The following BMPR2 variants were observed in gnomAD, a reference collection of about 807,000 sequenced individuals.
BMPR2 encodes bone morphogenetic protein receptor type 2, also known as bone morphogenetic protein receptor type-2.
In BMPR2, 29 loss-of-function variants were observed where a neutral mutation model predicts 100.8. The ratio of observed to expected loss-of-function variants is 0.29; its 90% confidence interval spans 0.21 to 0.39. BMPR2 has a LOEUF of 0.39. Among genes scored for constraint, BMPR2 ranks in the 10% least tolerant of loss-of-function variants. The pLI is 1.00. For missense variants in BMPR2, 1,011 were observed against 1,274.5 expected (o/e 0.79, Z 3.15); for synonymous variants, 382 against 442.3 (o/e 0.86, Z 1.71).
intron 1 of BMPR2, among the ~76,000 whole-genome samples, chr2:202,427,179 C>T (rs1691404168): frequency 6.6e-6 from 1 of 151,944 alleles, no homozygotes; most frequent in Non-Finnish European, 1.5e-5. Flanking sequence ...GTGAGACCCC[C>T]GTCTCTACAG....
chr2:202,525,906 C>T (rs1687902389), intron 7 of BMPR2, among the ~76,000 whole-genome samples: 1 of 119,296 alleles, frequency 8.4e-6, no homozygotes, highest in Non-Finnish European at 1.6e-5. Flanking sequence ...GCTCTTGCTG[C>T]TCAGGCTGGA....
At chr2:202,429,228 T>C (rs1322000649) in intron 1 of BMPR2, among the ~76,000 whole-genome samples, 2 of 152,232 alleles carry the variant, frequency 1.3e-5, no homozygotes, top group Non-Finnish European at 2.9e-5. Context: ...ACAAATCTAT[T>C]CATTTTATTC....
intron 1 of BMPR2, among the ~76,000 whole-genome samples, chr2:202,384,188 CA>C (rs1222662709): frequency 6.6e-6 from 1 of 151,996 alleles, no homozygotes; most frequent in East Asian, 1.9e-4. Flanking sequence ...CAAAACAAAA[CA>C]AAAAAACACT....
intron 1 of BMPR2, among the ~76,000 whole-genome samples, chr2:202,449,368 T>C (rs1398341292): frequency 6.6e-6 from 1 of 151,886 alleles, no homozygotes; most frequent in Non-Finnish European, 1.5e-5. Flanking sequence ...ATAACAGACC[T>C]GAGACTGCTA....
chr2:202,418,398 T>G (rs1691181765), intron 1 of BMPR2, among the ~76,000 whole-genome samples: 1 of 152,214 alleles, frequency 6.6e-6, no homozygotes, highest in African/African-American at 2.4e-5. Flanking sequence ...GACATTTAAT[T>G]AGATGTGTTG....
intron 7 of BMPR2, chr2:202,520,467 C>A: frequency 2.0e-6 from 1 of 496,540 alleles, no homozygotes; most frequent in Non-Finnish European, 3.6e-6. Flanking sequence ...CATGACCCAG[C>A]AGAGAAAGTA....
At chr2:202,474,004 C>T (rs1692488045) in intron 3 of BMPR2, among the ~76,000 whole-genome samples, 1 of 150,674 alleles carries the variant, frequency 6.6e-6, no homozygotes, top group African/African-American at 2.4e-5. Context: ...GTTCGGGAGG[C>T]TGAGGCAGAA....
chr2:202,556,117 T>G lies in BMPR2; in HGVS notation c.2452T>G (p.Ser818Ala), dbSNP rs1345188517. The G allele has an allele frequency of 1.2e-6, 2 of 1,613,920 alleles. No homozygotes were observed. Among genetic ancestry groups the G allele is most frequent in the African/African-American group, 2.7e-5 (2 of 74,896 alleles). The change falls in exon 12 of 13, where the codon TCC (serine) becomes GCC (alanine). Residue 818 changes from serine to alanine, a missense_variant. This residue lies in a region of BMPR2 where 508 missense variants were observed against 552.0 expected (regional missense o/e 0.92). Coordinates refer to ENST00000374580, the MANE Select transcript of BMPR2 (RefSeq NM_001204.7). ...GGCAGGTAGAAACCACAGTGTTAACTCCCATGCTGCCACAACCCAATATGC... is the reference window on the plus strand; with the variant it reads ...GGCAGGTAGAAACCACAGTGTTAACGCCCATGCTGCCACAACCCAATATGC... ...GVAGRNHSVN[S>A]HAATTQYANG...
chr2:202,516,146 A>G (rs975181778), intron 5 of BMPR2, among the ~76,000 whole-genome samples: 4 of 152,170 alleles, frequency 2.6e-5, no homozygotes, highest in African/African-American at 9.6e-5. Flanking sequence ...GAGTGTTTTT[A>G]TATTTATTAA....
At chr2:202,537,546 AC>A (rs1688184405) in intron 9 of BMPR2, among the ~76,000 whole-genome samples, 1 of 152,222 alleles carries the variant, frequency 6.6e-6, no homozygotes, top group Non-Finnish European at 1.5e-5. Context: ...TTTAATGGGT[AC>A]AGAGTTTCAG....
chr2:202,393,216 A>G (rs1032540076), intron 1 of BMPR2, among the ~76,000 whole-genome samples: 44 of 152,308 alleles, frequency 2.9e-4, no homozygotes, highest in African/African-American at 1.1e-3. Flanking sequence ...CCTATTTCAC[A>G]GGATGTGATA....
intron 1 of BMPR2, among the ~76,000 whole-genome samples, chr2:202,413,699 CTG>C (rs1691062629): frequency 6.6e-6 from 1 of 151,500 alleles, no homozygotes. Flanking sequence ...GGGTCTCACT[CTG>C]TTGCCCAGGC....
chr2:202,543,741 G>A (rs1688325346), intron 10 of BMPR2, among the ~76,000 whole-genome samples: 1 of 151,912 alleles, frequency 6.6e-6, no homozygotes, highest in Non-Finnish European at 1.5e-5. Context: ...AATGATTTAT[G>A]TTTTGTCTGT....
intron 3 of BMPR2, among the ~76,000 whole-genome samples, chr2:202,502,433 TAAAA>T (rs965151197): frequency 6.6e-6 from 1 of 151,430 alleles, no homozygotes; most frequent in Non-Finnish European, 1.5e-5. Context: ...GAAAGAGAGT[TAAAA>T]AGAGAGGAAG....
Position 202,502,776 on chromosome 2 carries a change from C to A in BMPR2, c.419-10943C>A, listed in dbSNP as rs188476354. Among the ~76,000 whole-genome samples the A allele has an allele frequency of 1.6e-3, 242 of 152,274 alleles. 1 individual carries two copies. The highest frequency in any genetic ancestry group is 5.6e-3 in the African/African-American group (232 of 41,552). ...TTTTACACTAACCAGTCGGGGGTAG[C>A]ACAAGATGCCACCCAGCGTTTACAG... is the stretch of plus-strand genomic sequence containing the variant. On this transcript the variant is annotated intron_variant, in intron 3 of 12. Coordinates refer to ENST00000374580, the MANE Select transcript of BMPR2 (RefSeq NM_001204.7).
chr2:202,443,649 C>T (rs1246227437), intron 1 of BMPR2, among the ~76,000 whole-genome samples: 1 of 150,144 alleles, frequency 6.7e-6, no homozygotes, highest in Admixed American at 6.6e-5. Flanking sequence ...CTACAACCTC[C>T]ACCTCCCTGG....
At position 202,564,435 on chromosome 2, in the gene BMPR2, A is replaced by G. The variant is rs1431941284; in HGVS notation, c.*4489A>G. 4 of 152,052 alleles carry G rather than the reference A, an allele frequency of 2.6e-5. No individual in the cohort carries two copies. Among genetic ancestry groups the G allele is most frequent in the Non-Finnish European group, 5.9e-5 (4 of 68,010 alleles). 9.4% of individuals were successfully genotyped at this position (152,052 alleles called of 1,614,324 possible). On this transcript the variant is annotated 3_prime_UTR_variant, in exon 13 of 13. Transcript: ENST00000374580. ...GACCAGTCATTCTGGAAATTGTAAC[A>G]CTCCCACATAAACCCCAGGAGACTT...
At chr2:202,474,719 C>A (rs1692507037) in intron 3 of BMPR2, 1 of 152,100 alleles carries the variant, frequency 6.6e-6, no homozygotes. Flanking sequence ...GACGGGGTTT[C>A]ACCGTGTTAG....
At chr2:202,417,564 G>C (rs1442032006) in intron 1 of BMPR2, among the ~76,000 whole-genome samples, 2 of 151,564 alleles carry the variant, frequency 1.3e-5, no homozygotes, top group Admixed American at 6.6e-5. Flanking sequence ...TGGCCTCCCA[G>C]AGTGCTGGGA....
Sources: allele counts gnomAD v4.1 joint callset (sites outside exome capture counted in the v4.1 genomes callset), GRCh38; gene constraint gnomAD v4.1.1; regional missense constraint gnomAD v4.1.1; transcripts MANE v1.5; gene names NCBI Gene and HGNC (gene_info 2026-07-23, HGNC 2026-07-21).